Variants in GRIP2 observed in about 807,000 individuals in gnomAD.
GRIP2 encodes the protein glutamate receptor-interacting protein 2.
A neutral mutation model predicts 108.3 loss-of-function variants in GRIP2; 58 were observed. The observed-to-expected ratio is 0.54, with a 90% CI of 0.43 to 0.67. GRIP2 has a LOEUF of 0.67. Among genes scored for constraint, GRIP2 ranks in the 30% least tolerant of loss-of-function variants. GRIP2 has a pLI of 0.00. For synonymous variants in GRIP2, 586 were observed against 598.2 expected (o/e 0.98, Z 0.30); for missense variants, 1,278 against 1,430.6 (o/e 0.89, Z 1.72).
chr3:14,573,725 A>G, the GRIP2 span: 5 of 1,441,710 alleles, frequency 3.5e-6, no homozygotes, highest in Non-Finnish European at 3.9e-6. Flanking sequence ...CTGGCCACTC[A>G]CGGGGGTCCT....
upstream of GRIP2, chr3:14,541,949 G>A (rs764549263): frequency 2.2e-6 from 3 of 1,348,840 alleles, no homozygotes; most frequent in African/African-American, 4.5e-5. Flanking sequence ...CCAGGGCACA[G>A]AGGCCACTCT....
intron 1 of GRIP2, among the ~76,000 whole-genome samples, chr3:14,552,297 G>T (rs1208512320): frequency 1.3e-5 from 2 of 152,190 alleles, no homozygotes; most frequent in Non-Finnish European, 2.9e-5. Flanking sequence ...AGCGGAAGGA[G>T]GGAGTGAATA....
intron 17 of GRIP2, 26 bp downstream of exon 17, chr3:14,509,794 T>G: frequency 7.0e-7 from 1 of 1,430,172 alleles, no homozygotes; most frequent in Non-Finnish European, 9.2e-7. Context: ...GAGCCCACCA[T>G]GCGTCCCCAC....
chr3:14,533,111 A>G (rs1694752822), intron 1 of GRIP2, among the ~76,000 whole-genome samples: 2 of 152,208 alleles, frequency 1.3e-5, no homozygotes, highest in South Asian at 4.1e-4. Context: ...AGTTCACATC[A>G]GCCACCACGG....
At chr3:14,565,824 C>T in the GRIP2 span, among the ~76,000 whole-genome samples, 10 of 152,204 alleles carry the variant, frequency 6.6e-5, no homozygotes, top group East Asian at 1.9e-4. Flanking sequence ...CACAGAGGGG[C>T]GCTGGAGCTT....
At chr3:14,595,893 A>C in the GRIP2 span, among the ~76,000 whole-genome samples, 1 of 152,070 alleles carries the variant, frequency 6.6e-6, no homozygotes, top group Admixed American at 6.5e-5. Flanking sequence ...TATTTCATTC[A>C]CCACTCACCT....
chr3:14,597,266 G>A, the GRIP2 span, among the ~76,000 whole-genome samples: 1 of 152,194 alleles, frequency 6.6e-6, no homozygotes, highest in Non-Finnish European at 1.5e-5. Flanking sequence ...CTGATCAGTG[G>A]TGGAAGAGAC....
chr3:14,501,650 T>C (rs1693767351), intron 21 of GRIP2, among the ~76,000 whole-genome samples: 1 of 152,214 alleles, frequency 6.6e-6, no homozygotes, highest in African/African-American at 2.4e-5. Context: ...ACACATAAAC[T>C]CATTAAAGCA....
upstream of GRIP2, among the ~76,000 whole-genome samples, chr3:14,543,572 C>T (rs1695012215): frequency 6.6e-6 from 1 of 152,264 alleles, no homozygotes; most frequent in African/African-American, 2.4e-5. Context: ...AAAGACGATC[C>T]TTCTTGTCCA....
intron 1 of GRIP2, among the ~76,000 whole-genome samples, chr3:14,527,730 T>C (rs1198048900): frequency 6.6e-6 from 1 of 151,918 alleles, no homozygotes; most frequent in East Asian, 1.9e-4. Context: ...ACCCCATCTC[T>C]ACTGAAAATA....
Position 14,513,742 on chromosome 3 carries a change from A to G in GRIP2, c.1562T>C (p.Met521Thr), listed in dbSNP as rs1232515342. The change falls in exon 13 of 24, where the codon ATG becomes ACG. Residue 521 changes from methionine (M) to threonine (T), a missense_variant. Transcript: ENST00000621039. ...INGIATEDGT[M>T]EEANQLLRDA... ...CCGCAGGAGCTGGTTGGCTTCCTCC[A>G]TAGTCCCGTCCTCGGTGGCAATGCC... 5 of 1,611,264 alleles carry G rather than the reference A, an allele frequency of 3.1e-6. No individual in the cohort carries two copies. The highest frequency in any genetic ancestry group is 1.3e-5 in the African/African-American group (1 of 75,004).
chr3:14,514,470 C>G lies in GRIP2; in HGVS notation c.1315G>C (p.Ala439Pro). Residue 439 changes from alanine to proline, a missense_variant, in exon 12 of 24, where the codon GCC (alanine) becomes CCC (proline). Transcript: ENST00000621039. Reference sequence around the variant, plus strand: ...CCGCCCGGCCCCACCGTGCTGGAGGCTAGCGACACTGTAGGACAGGTGGGC... The same window carrying G: ...CCGCCCGGCCCCACCGTGCTGGAGGGTAGCGACACTGTAGGACAGGTGGGC... The part of the protein sequence containing the change: ...RREHKSSLSL[A>P]SSTVGPGGQI... The G allele has an allele frequency of 6.4e-7, 1 of 1,570,656 alleles. No homozygotes were observed. Among genetic ancestry groups the G allele is most frequent in the Non-Finnish European group, 8.6e-7 (1 of 1,159,124 alleles).
At chr3:14,595,511 G>A in the GRIP2 span, among the ~76,000 whole-genome samples, 2 of 152,190 alleles carry the variant, frequency 1.3e-5, no homozygotes, top group African/African-American at 4.8e-5. Flanking sequence ...CCTTGGGACA[G>A]AGCTATTTTC....
chr3:14,500,161 A>G (rs1447171757), intron 21 of GRIP2, among the ~76,000 whole-genome samples: 4 of 152,258 alleles, frequency 2.6e-5, no homozygotes, highest in African/African-American at 9.6e-5. Context: ...GAATAAATAC[A>G]GCCAAGGAAA....
Position 14,492,238 on chromosome 3 carries a change from G to C in GRIP2, c.*1427C>G, listed in dbSNP as rs1701352986. The C allele has an allele frequency of 6.6e-6, 1 of 152,280 alleles. No individual in the cohort carries two copies. Among genetic ancestry groups the C allele is most frequent in the African/African-American group, 2.4e-5 (1 of 41,460 alleles). The allele number at this position is 152,280 out of a possible 1,614,324, so 9.4% of individuals were successfully genotyped here. A position where few individuals can be genotyped will look rare whatever the true frequency, so the allele number is the denominator to read the frequency against. On this transcript the variant is annotated 3_prime_UTR_variant, in exon 24 of 24. Transcript: ENST00000621039. The stretch of plus-strand genomic sequence containing the variant: ...GAACAGACCTCTTGACTCCTCATCT[G>C]TTCCCTCAAATGGAAGAGCACTTTT...
chr3:14,518,248 T>C (rs538456757), intron 9 of GRIP2, among the ~76,000 whole-genome samples: 4 of 152,278 alleles, frequency 2.6e-5, no homozygotes, highest in South Asian at 2.1e-4. Flanking sequence ...CAAGAAAGAA[T>C]TGGTGAGGAG....
At chr3:14,600,357 C>T in the GRIP2 span, among the ~76,000 whole-genome samples, 5 of 152,184 alleles carry the variant, frequency 3.3e-5, no homozygotes, top group South Asian at 2.1e-4. Context: ...CTGACCACCC[C>T]GCGAGGCTGC....
the GRIP2 span, among the ~76,000 whole-genome samples, chr3:14,578,642 G>A: frequency 6.6e-6 from 1 of 152,034 alleles, no homozygotes; most frequent in Admixed American, 6.5e-5. Context: ...ACTTAAGCCT[G>A]GGAGGCAAAG....
At chr3:14,532,171 C>A (rs1345765710) in intron 1 of GRIP2, among the ~76,000 whole-genome samples, 2 of 152,244 alleles carry the variant, frequency 1.3e-5, no homozygotes, top group Non-Finnish European at 2.9e-5. Flanking sequence ...CCTGACCCAG[C>A]GGCCCACGCG....
Sources: allele counts gnomAD v4.1 joint callset (sites outside exome capture counted in the v4.1 genomes callset), GRCh38; gene constraint gnomAD v4.1.1; transcripts MANE v1.5; gene names NCBI Gene and HGNC (gene_info 2026-07-23, HGNC 2026-07-21).